The following SCFD1 variants were observed in gnomAD, a reference collection of about 807,000 sequenced individuals.
SCFD1 encodes the protein sec1 family domain-containing protein 1.
In SCFD1, 37 loss-of-function variants were observed where a neutral mutation model predicts 103.2. The ratio of observed to expected loss-of-function variants is 0.36; its 90% confidence interval spans 0.28 to 0.47. The LOEUF (loss-of-function observed/expected upper bound fraction) is 0.47. SCFD1 is among the 20% of genes least tolerant of loss of function. The probability of loss-of-function intolerance (pLI) is 1.00; values close to 1 mark genes in which losing one functional copy is unlikely to be tolerated. For synonymous variants in SCFD1, 264 were observed against 245.0 expected (o/e 1.08, Z -0.73); for missense variants, 639 against 761.2 (o/e 0.84, Z 1.89).
intron 15 of SCFD1, 61 bp downstream of exon 15, chr14:30,694,930 ATT>A (rs1890590617): frequency 6.5e-7 from 1 of 1,543,566 alleles, no homozygotes; most frequent in Non-Finnish European, 8.7e-7. Flanking sequence ...AGCATTTTCA[ATT>A]GAGTAAACTT....
In SCFD1 at chr14:30,719,975, G is replaced by C. The variant is rs1004498357; in HGVS notation, c.1736+598G>C. Among the ~76,000 whole-genome samples, 12 of 135,608 alleles carry C rather than the reference G, an allele frequency of 8.8e-5. 1 individual carries two copies. Among genetic ancestry groups the C allele is most frequent in the Admixed American group, 8.1e-4 (11 of 13,512 alleles). The allele number at this position is 135,608 out of a possible 152,430, so 89.0% of individuals were successfully genotyped here. On this transcript the variant is annotated intron_variant, in intron 21 of 24. Coordinates refer to ENST00000458591, the MANE Select transcript of SCFD1 (RefSeq NM_016106.4). ...AGAATTGGGGGCAGGGGGGTGGGGGGCGGGAATAACTGCCTTGGACTGATT... is the reference window on the plus strand; with the variant it reads ...AGAATTGGGGGCAGGGGGGTGGGGGCCGGGAATAACTGCCTTGGACTGATT...
intron 7 of SCFD1, among the ~76,000 whole-genome samples, chr14:30,646,848 T>C (rs229203): frequency 0.078 from 11,913 of 152,224 alleles, 754 homozygotes; most frequent in African/African-American, 0.17. Flanking sequence ...TGGCAGGTTC[T>C]ATGTTTCCAG....
chr14:30,709,825 A>G (rs1891739719), intron 19 of SCFD1, among the ~76,000 whole-genome samples: 1 of 152,196 alleles, frequency 6.6e-6, no homozygotes, highest in Non-Finnish European at 1.5e-5. Context: ...TTCTACGGTA[A>G]TGTCTGCCTT....
chr14:30,645,228 G>A (rs541384319), intron 7 of SCFD1, among the ~76,000 whole-genome samples: 4 of 152,258 alleles, frequency 2.6e-5, no homozygotes, highest in Non-Finnish European at 4.4e-5. Context: ...GGTTACTACC[G>A]TAAAAGCCGT....
intron 14 of SCFD1, chr14:30,682,977 AC>A (rs1889609739): frequency 2.6e-6 from 2 of 767,900 alleles, no homozygotes; most frequent in African/African-American, 1.8e-5. Flanking sequence ...TACAGAAATC[AC>A]AAAAAAAGAC....
At chr14:30,662,044 T>C (rs985057048) in intron 10 of SCFD1, among the ~76,000 whole-genome samples, 1 of 152,172 alleles carries the variant, frequency 6.6e-6, no homozygotes, top group African/African-American at 2.4e-5. Context: ...ACAGCTTTTA[T>C]TTTACAATTA....
chr14:30,708,412 G>A (rs1437308194), intron 19 of SCFD1, among the ~76,000 whole-genome samples: 1 of 152,076 alleles, frequency 6.6e-6, no homozygotes, highest in African/African-American at 2.4e-5. Context: ...GAGCTCCCAT[G>A]TGGTATTTGG....
intron 24 of SCFD1, 51 bp from the exon 25 acceptor site, chr14:30,735,530 GTTTCT>G (rs1302745945): frequency 2.5e-6 from 3 of 1,217,374 alleles, no homozygotes; most frequent in African/African-American, 3.0e-5. Context: ...ATGTTTGAAT[GTTTCT>G]TTTATGATCT....
chr14:30,679,579 AAAG>A (rs529816117), intron 14 of SCFD1, among the ~76,000 whole-genome samples: 2 of 152,184 alleles, frequency 1.3e-5, no homozygotes, highest in Non-Finnish European at 2.9e-5. Context: ...CTCTGTACTC[AAAG>A]AAGAAGTCTT....
chr14:30,697,886 C>G (rs1226599586), intron 15 of SCFD1, among the ~76,000 whole-genome samples: 2 of 152,190 alleles, frequency 1.3e-5, no homozygotes, highest in African/African-American at 4.8e-5. Flanking sequence ...GCACATGATT[C>G]TGAAATTGAT....
chr14:30,690,774 C>A (rs973029713), intron 14 of SCFD1, among the ~76,000 whole-genome samples: 1 of 152,056 alleles, frequency 6.6e-6, no homozygotes, highest in South Asian at 2.1e-4. Context: ...CCGTCTTCTG[C>A]GTCGCTCACG....
At chr14:30,637,098 T>G (rs1884800973) in intron 4 of SCFD1, among the ~76,000 whole-genome samples, 1 of 152,096 alleles carries the variant, frequency 6.6e-6, no homozygotes, top group African/African-American at 2.4e-5. Flanking sequence ...TCATTGTGAC[T>G]AGAGTGTCAC....
At position 30,630,547 on chromosome 14, in the gene SCFD1, T is replaced by G. The variant is rs142810697; in HGVS notation, c.203T>G (p.Met68Arg). Residue 68 changes from methionine (M) to arginine (R), a missense_variant, in exon 3 of 25, where the codon ATG becomes AGG. Met to Arg is a moderately conservative substitution (Grantham distance 91). Transcript: ENST00000458591. ...CTATCTGTGAAGGAGCTAAGAGACA[T>G]GGGAATCACTCTGCATCTGTGAGTT... The part of the protein sequence containing the change: ...PLLSVKELRD[M>R]GITLHLLLHS... 1 of 1,587,032 alleles carries G rather than the reference T, an allele frequency of 6.3e-7. No homozygotes were observed. Among genetic ancestry groups the G allele is most frequent in the Admixed American group, 1.7e-5 (1 of 59,942 alleles).
Position 30,713,579 on chromosome 14 carries a change from CTAAA to C in SCFD1, c.1630-2340_1630-2337del, listed in dbSNP as rs1192241135. ...ATCCTTAGGAAAATCTCATTTTAGACTAAATAAAGATTTATCATGGAATATTGGT... is the reference window on the plus strand; with the variant it reads ...ATCCTTAGGAAAATCTCATTTTAGACTAAAGATTTATCATGGAATATTGGT... On this transcript the variant is annotated intron_variant, in intron 19 of 24. Coordinates refer to ENST00000458591, the MANE Select transcript of SCFD1 (RefSeq NM_016106.4). Among the ~76,000 whole-genome samples the C allele has an allele frequency of 2.0e-5, 3 of 152,146 alleles. No individual in the cohort carries two copies. The South Asian group carries it at 6.2e-4, about 32-fold the overall frequency.
At chr14:30,649,478 CTA>C in intron 7 of SCFD1, 48 bp from the exon 8 acceptor site, 1 of 1,177,858 alleles carries the variant, frequency 8.5e-7, no homozygotes, top group Non-Finnish European at 1.2e-6. Flanking sequence ...TTATAAGTAT[CTA>C]TTTTAATTAA....
chr14:30,708,877 T>C (rs559308986), intron 19 of SCFD1, among the ~76,000 whole-genome samples: 1 of 152,336 alleles, frequency 6.6e-6, no homozygotes, highest in East Asian at 1.9e-4. Context: ...GTGATTTTTC[T>C]ATTCTAATAT....
chr14:30,643,185 T>A, intron 6 of SCFD1, 131 bp from the exon 7 acceptor site: 1 of 727,754 alleles, frequency 1.4e-6, no homozygotes, highest in Non-Finnish European at 2.4e-6. Context: ...AAAAAAAAAT[T>A]TAAACCAAAA....
At chr14:30,657,525 G>GT (rs1159264775) in intron 10 of SCFD1, among the ~76,000 whole-genome samples, 2 of 152,176 alleles carry the variant, frequency 1.3e-5, no homozygotes, top group Non-Finnish European at 2.9e-5. Flanking sequence ...AGATGGTAGA[G>GT]TTTTTTTGTT....
At chr14:30,670,538 A>G in intron 11 of SCFD1, 143 bp downstream of exon 11, 1 of 534,528 alleles carries the variant, frequency 1.9e-6, no homozygotes, top group Non-Finnish European at 3.2e-6. Flanking sequence ...TAGTCTGTAG[A>G]TATTTGTCTT....
Sources: gnomAD v4.1 joint callset for allele counts (sites outside exome capture counted in the v4.1 genomes callset) on GRCh38, gnomAD v4.1.1 for gene constraint, MANE v1.5 for transcripts, NCBI Gene and HGNC (gene_info 2026-07-23, HGNC 2026-07-21) for gene names.